The following KIAA1217 variants were observed in gnomAD, a reference collection of about 807,000 sequenced individuals.
The protein encoded by KIAA1217 is sickle tail protein homolog.
In KIAA1217, 88 loss-of-function variants were observed where a neutral mutation model predicts 163.9. The ratio of observed to expected loss-of-function variants is 0.54; its 90% CI spans 0.45 to 0.64. The LOEUF (loss-of-function observed/expected upper bound fraction) is 0.64, where lower values mean the gene tolerates loss of function less well. Ranked by LOEUF, KIAA1217 falls within the 30% of genes least tolerant of loss-of-function variation. The pLI, the probability that KIAA1217 is intolerant of heterozygous loss-of-function variation, is 0.00. For missense variants in KIAA1217, 2,372 were observed against 2,475.0 expected (o/e 0.96, Z 0.88); for synonymous variants, 903 against 923.1 (o/e 0.98, Z 0.39).
chr10:24,488,430 A>T (rs1025765335), intron 6 of KIAA1217, among the ~76,000 whole-genome samples: 1 of 152,260 alleles, frequency 6.6e-6, no homozygotes, highest in African/African-American at 2.4e-5. Context: ...GGGAGACAGA[A>T]CGTAGCCAGT....
chr10:24,502,263 AT>A (rs1186957344), intron 9 of KIAA1217, among the ~76,000 whole-genome samples: 1 of 59,674 alleles, frequency 1.7e-5, no homozygotes, highest in African/African-American at 6.8e-5. Flanking sequence ...TTTTTTTTTC[AT>A]TTTTTTTGCA....
At chr10:24,055,239 C>T (rs1356783794) in intron 2 of KIAA1217, among the ~76,000 whole-genome samples, 1 of 152,056 alleles carries the variant, frequency 6.6e-6, no homozygotes, top group Non-Finnish European at 1.5e-5. Flanking sequence ...TGCACTTCAT[C>T]CTGGGCAACA....
At chr10:23,718,865 AAGAG>A (rs555582752) in intron 1 of KIAA1217, among the ~76,000 whole-genome samples, 10 of 143,392 alleles carry the variant, frequency 7.0e-5, no homozygotes, top group Non-Finnish European at 6.0e-5. Flanking sequence ...AGAGAGAGAG[AAGAG>A]AGAGAGAGAG....
intron 2 of KIAA1217, among the ~76,000 whole-genome samples, chr10:24,067,071 C>G (rs1280669999): frequency 6.6e-6 from 1 of 152,072 alleles, no homozygotes; most frequent in Non-Finnish European, 1.5e-5. Flanking sequence ...TTTTTAACTT[C>G]TTTGCCATTG....
At chr10:24,331,609 T>C (rs1376057243) in intron 2 of KIAA1217, among the ~76,000 whole-genome samples, 1 of 152,142 alleles carries the variant, frequency 6.6e-6, no homozygotes. Context: ...CCAATAAGAA[T>C]GCTGCAATGA....
chr10:24,484,206 TATAG>T (rs1255087387), intron 6 of KIAA1217, among the ~76,000 whole-genome samples: 5 of 137,820 alleles, frequency 3.6e-5, no homozygotes, highest in Non-Finnish European at 7.8e-5. Flanking sequence ...TATACATATA[TATAG>T]ATAGATAGAT....
At chr10:24,076,315 T>A (rs1303151555) in intron 2 of KIAA1217, among the ~76,000 whole-genome samples, 4 of 152,122 alleles carry the variant, frequency 2.6e-5, no homozygotes, top group Admixed American at 1.3e-4. Context: ...TTATACAGAG[T>A]GGAGAGAGGC....
intron 2 of KIAA1217, among the ~76,000 whole-genome samples, chr10:24,345,707 T>C (rs2047645719): frequency 6.6e-6 from 1 of 152,216 alleles, no homozygotes; most frequent in Non-Finnish European, 1.5e-5. Context: ...TAGAGAAACC[T>C]AGGCTAGGAG....
intron 2 of KIAA1217, among the ~76,000 whole-genome samples, chr10:24,175,988 T>G (rs898544894): frequency 6.6e-6 from 1 of 152,196 alleles, no homozygotes; most frequent in Non-Finnish European, 1.5e-5. Context: ...TCTTCCACAC[T>G]GTGGAAGGGG....
chr10:23,702,529 A>G (rs955489666), intron 1 of KIAA1217, among the ~76,000 whole-genome samples: 1 of 152,098 alleles, frequency 6.6e-6, no homozygotes, highest in East Asian at 1.9e-4. Context: ...GCTTTTTCAT[A>G]TGGGAAAATG....
At chr10:24,370,041 A>T (rs538207351) in intron 2 of KIAA1217, among the ~76,000 whole-genome samples, 1 of 152,252 alleles carries the variant, frequency 6.6e-6, no homozygotes, top group African/African-American at 2.4e-5. Context: ...CGAGGCAGGT[A>T]GATCACGAGG....
intron 2 of KIAA1217, among the ~76,000 whole-genome samples, chr10:24,119,864 G>C (rs2063210143): frequency 6.6e-6 from 1 of 152,158 alleles, no homozygotes; most frequent in African/African-American, 2.4e-5. Flanking sequence ...AAAATGATCT[G>C]TGCTTCCTAC....
chr10:24,542,242 CTG>C (rs771026963), intron 17 of KIAA1217, among the ~76,000 whole-genome samples: 22 of 152,178 alleles, frequency 1.4e-4, no homozygotes, highest in Non-Finnish European at 2.8e-4. Flanking sequence ...GGCAAGAAAA[CTG>C]AGGCCAAAGA....
chr10:23,993,847 T>G (rs1846340420), intron 1 of KIAA1217, among the ~76,000 whole-genome samples: 1 of 152,096 alleles, frequency 6.6e-6, no homozygotes, highest in Non-Finnish European at 1.5e-5. Flanking sequence ...CCCAAAGTGC[T>G]GGGATTACAG....
intron 2 of KIAA1217, among the ~76,000 whole-genome samples, chr10:24,261,262 C>A (rs1336621207): frequency 3.3e-5 from 5 of 152,116 alleles, no homozygotes; most frequent in African/African-American, 9.7e-5. Flanking sequence ...CTCTGGGAGG[C>A]TGAGGCAGGT....
intron 2 of KIAA1217, among the ~76,000 whole-genome samples, chr10:24,350,383 A>G (rs1358604980): frequency 2.0e-5 from 3 of 152,206 alleles, no homozygotes; most frequent in Admixed American, 1.3e-4. Context: ...TGAACTACCC[A>G]AAGGAAAGTT....
chr10:24,112,730 G>A (rs955099391), intron 2 of KIAA1217, among the ~76,000 whole-genome samples: 4 of 151,942 alleles, frequency 2.6e-5, no homozygotes, highest in East Asian at 1.9e-4. Flanking sequence ...GACTACAGGC[G>A]CTCGCCCCCA....
intron 10 of KIAA1217, among the ~76,000 whole-genome samples, chr10:24,513,762 G>GTAAC (rs753037578): frequency 1.6e-4 from 23 of 147,514 alleles, no homozygotes; most frequent in Non-Finnish European, 3.0e-4. Flanking sequence ...ACCAGCCTGG[G>GTAAC]TAACACAGGG....
chr10:23,866,306 C>G (rs189633396), intron 1 of KIAA1217, among the ~76,000 whole-genome samples: 1 of 152,222 alleles, frequency 6.6e-6, no homozygotes, highest in East Asian at 1.9e-4. Context: ...TTGATCAAGC[C>G]TCAGGGAGAA....
Sources: allele counts gnomAD v4.1 joint callset (sites outside exome capture counted in the v4.1 genomes callset), GRCh38; gene constraint gnomAD v4.1.1; transcripts MANE v1.5; gene names NCBI Gene and HGNC (gene_info 2026-07-23, HGNC 2026-07-21).